The following RAB3B variants were observed in gnomAD, a reference collection of about 807,000 sequenced individuals.
RAB3B encodes ras-related protein Rab-3B.
RAB3B carries 11 observed loss-of-function variants against 20.5 expected under a neutral mutation model. That is an observed-to-expected ratio of 0.54 (90% CI 0.34 to 0.89). RAB3B has a LOEUF of 0.89. Among genes scored for constraint, RAB3B ranks in the 40% least tolerant of loss-of-function variants. The pLI is 0.02. For missense variants in RAB3B, 225 were observed against 280.9 expected, an observed-to-expected ratio of 0.80 and a Z score of 1.42; for synonymous variants, 99 against 106.3, an observed-to-expected ratio of 0.93 and a Z score of 0.42.
rs946076713 is a variant in RAB3B at position 51,980,806 on chromosome 1, C to A, written c.1-3689G>T. 48 of 748,444 alleles carry A rather than the reference C, an allele frequency of 6.4e-5. No individual in the cohort carries two copies. In the African/African-American group the frequency reaches 7.8e-4, roughly 12 times the overall value. The allele number at this position is 748,444 out of a possible 1,614,324, so 46.4% of individuals were successfully genotyped here. ...TGTAGGTGCTGCCCCACGACCCCCA[C>A]CAAAGCCCATGTAAGGAGCTGAGTC... On this transcript the variant is annotated intron_variant, in intron 1 of 4. Transcript: ENST00000371655.
intron 2 of RAB3B, among the ~76,000 whole-genome samples, chr1:51,937,716 C>T (rs1305869980): frequency 3.3e-5 from 5 of 151,944 alleles, no homozygotes; most frequent in African/African-American, 7.3e-5. Flanking sequence ...AGGCAGGTCT[C>T]GAACTCCTGA....
In RAB3B at chr1:51,937,656, C is replaced by A. The variant is rs111705462; in HGVS notation, c.229-244G>T. 4.6e-3 allele frequency among the ~76,000 whole-genome samples: 696 copies of A among 152,132 alleles called. 11 individuals are homozygous for A. Among genetic ancestry groups the A allele is most frequent in the African/African-American group, 0.016 (673 of 41,490 alleles). On this transcript the variant is annotated intron_variant, in intron 2 of 4. Coordinates refer to ENST00000371655, the MANE Select transcript of RAB3B (RefSeq NM_002867.4). ...GGGATTACAAGCATGCACCACCATGCCCAGCTAATTTTGTATTTTTAGTAG... is the reference window on the plus strand; with the variant it reads ...GGGATTACAAGCATGCACCACCATGACCAGCTAATTTTGTATTTTTAGTAG...
intron 2 of RAB3B, among the ~76,000 whole-genome samples, chr1:51,958,578 C>T (rs1226894817): frequency 6.6e-6 from 1 of 152,154 alleles, no homozygotes; most frequent in African/African-American, 2.4e-5. Flanking sequence ...ACAACATTAG[C>T]CGGGCGTGGA....
intron 2 of RAB3B, among the ~76,000 whole-genome samples, chr1:51,976,421 G>C (rs1437450427): frequency 1.3e-5 from 2 of 152,154 alleles, no homozygotes; most frequent in Non-Finnish European, 2.9e-5. Context: ...TACGACAGTA[G>C]ATAACTGATA....
At chr1:51,989,877 T>C in intron 1 of RAB3B, among the ~76,000 whole-genome samples, 1 of 142,132 alleles carries the variant, frequency 7.0e-6, no homozygotes. Flanking sequence ...ACCCCAGCTA[T>C]CCATACCCAC....
At chr1:51,971,010 C>CAAAAAAAAAAAAA in intron 2 of RAB3B, among the ~76,000 whole-genome samples, 1 of 55,712 alleles carries the variant, frequency 1.8e-5, no homozygotes, top group Non-Finnish European at 4.0e-5. Context: ...GACTCCGTCT[C>CAAAAAAAAAAAAA]AAAAAAAAAA....
chr1:51,958,572 C>A (rs7521787), intron 2 of RAB3B, among the ~76,000 whole-genome samples: 133,634 of 152,082 alleles, frequency 0.88, 59,613 homozygotes, highest in Non-Finnish European at 0.95. Context: ...AAAAATACAA[C>A]ATTAGCCGGG....
rs560327953 is a variant in RAB3B, at chr1:51,919,910, A to G, written c.*17T>C. 2.5e-6 allele frequency: 4 copies of G among 1,604,812 alleles called. No homozygotes were observed. The highest frequency in any genetic ancestry group is 2.7e-5 in the African/African-American group (2 of 74,906). ...TGTGGGGCCACAATGAGGGGAGGTC[A>G]GGAAGGTGGGCCTTGCCTAGCATGA... On this transcript the variant is annotated 3_prime_UTR_variant, in exon 5 of 5. Coordinates refer to ENST00000371655, the MANE Select transcript of RAB3B (RefSeq NM_002867.4).
At chr1:51,982,815 A>G (rs1481104804) in intron 1 of RAB3B, among the ~76,000 whole-genome samples, 1 of 152,082 alleles carries the variant, frequency 6.6e-6, no homozygotes, top group Admixed American at 6.5e-5. Flanking sequence ...AAATTTTTTA[A>G]GTTTATAAGG....
rs975706741 is a variant in RAB3B at position 51,911,492 on chromosome 1, G to A, written c.*8435C>T. 6.6e-6 allele frequency: 1 copy of A among 152,008 alleles called. No individual in the cohort carries two copies. Among genetic ancestry groups the A allele is most frequent in the African/African-American group, 2.4e-5 (1 of 41,380 alleles). 9.4% of individuals were successfully genotyped at this position (152,008 alleles called of 1,614,324 possible). ...CAAAAGAAGAGACAATATATTTTTGGTTGCAAGGGATAAGAACCTAACTCC... is the reference window on the plus strand; with the variant it reads ...CAAAAGAAGAGACAATATATTTTTGATTGCAAGGGATAAGAACCTAACTCC... On this transcript the variant is annotated 3_prime_UTR_variant, in exon 5 of 5. Transcript: ENST00000371655.
rs1278046522 is a variant in RAB3B, at chr1:51,913,191, C to T, written c.*6736G>A. On this transcript the variant is annotated 3_prime_UTR_variant, in exon 5 of 5. Transcript: ENST00000371655. ...TCCCTCGGGGATAGCTAAGAGGTATCCAAATGGACTGTTTAACAAGCATCA... is the reference window on the plus strand; with the variant it reads ...TCCCTCGGGGATAGCTAAGAGGTATTCAAATGGACTGTTTAACAAGCATCA... 1 of 152,114 alleles carries T rather than the reference C, an allele frequency of 6.6e-6. No homozygotes were observed. Among genetic ancestry groups the T allele is most frequent in the Non-Finnish European group, 1.5e-5 (1 of 68,022 alleles). 9.4% of individuals were successfully genotyped at this position (152,114 alleles called of 1,614,324 possible).
intron 2 of RAB3B, among the ~76,000 whole-genome samples, chr1:51,969,094 A>C (rs1298416546): frequency 6.6e-6 from 1 of 152,196 alleles, no homozygotes; most frequent in African/African-American, 2.4e-5. Flanking sequence ...CAGGAGTTTG[A>C]GACCAGCCTG....
chr1:51,975,021 C>T (rs2124309441), intron 2 of RAB3B, among the ~76,000 whole-genome samples: 1 of 152,150 alleles, frequency 6.6e-6, no homozygotes, highest in East Asian at 1.9e-4. Context: ...CAAGATCAGC[C>T]TGGTGAACAT....
chr1:51,981,577 T>C (rs956591503), intron 1 of RAB3B, among the ~76,000 whole-genome samples: 7 of 152,226 alleles, frequency 4.6e-5, no homozygotes, highest in Non-Finnish European at 1.0e-4. Flanking sequence ...ATGCATATTG[T>C]AATAGCTGAC....
chr1:51,962,218 CA>C (rs1330747042), intron 2 of RAB3B, among the ~76,000 whole-genome samples: 3 of 152,168 alleles, frequency 2.0e-5, no homozygotes, highest in African/African-American at 7.2e-5. Context: ...GGGTTAGTGT[CA>C]GGATGAAATC....
intron 4 of RAB3B, 97 bp from the exon 5 acceptor site, chr1:51,920,211 G>T: frequency 9.3e-7 from 1 of 1,069,588 alleles, no homozygotes; most frequent in Non-Finnish European, 1.3e-6. Flanking sequence ...AATATGTCCA[G>T]TGCTCAGCAG....
At chr1:51,925,556 A>G (rs1182074569) in intron 4 of RAB3B, among the ~76,000 whole-genome samples, 1 of 152,180 alleles carries the variant, frequency 6.6e-6, no homozygotes, top group African/African-American at 2.4e-5. Flanking sequence ...TTCCTGGCTC[A>G]CACTATGCTC....
At chr1:51,936,831 T>A (rs1684410997) in intron 3 of RAB3B, among the ~76,000 whole-genome samples, 2 of 151,618 alleles carry the variant, frequency 1.3e-5, no homozygotes, top group African/African-American at 4.8e-5. Flanking sequence ...TTTTTTTTTT[T>A]AAGATAGAGT....
rs541844700 is a variant in RAB3B, at chr1:51,919,707, C to T, written c.*220G>A. ...TTCTTTTGTAAAGTGATTCTGCACC[C>T]GTGTAGTGACCTGTTATGTTAGTCT... On this transcript the variant is annotated 3_prime_UTR_variant, in exon 5 of 5. Coordinates refer to ENST00000371655, the MANE Select transcript of RAB3B (RefSeq NM_002867.4). The T allele has an allele frequency of 2.2e-6, 1 of 452,618 alleles. No individual in the cohort carries two copies. The highest frequency in any genetic ancestry group is 3.9e-6 in the Non-Finnish European group (1 of 255,828). The allele number at this position is 452,618 out of a possible 1,614,324, so 28.0% of individuals were successfully genotyped here. A position where few individuals can be genotyped will look rare whatever the true frequency, so the allele number is the denominator to read the frequency against.
Sources: gnomAD v4.1 joint callset for allele counts (sites outside exome capture counted in the v4.1 genomes callset) on GRCh38, gnomAD v4.1.1 for gene constraint, MANE v1.5 for transcripts, NCBI Gene and HGNC (gene_info 2026-07-23, HGNC 2026-07-21) for gene names.